Variants in ADGRL3 observed in about 807,000 individuals in gnomAD.
ADGRL3 encodes the protein calcium-independent alpha-latrotoxin receptor 3.
Under a neutral mutation model 153.5 loss-of-function variants are expected in ADGRL3, and 62 were observed. That is an observed-to-expected ratio of 0.40 (90% CI 0.33 to 0.50). The LOEUF is 0.50. Ranked by LOEUF, ADGRL3 falls within the 20% of genes least tolerant of loss-of-function variation. ADGRL3 has a pLI of 0.47. For synonymous variants in ADGRL3, 710 were observed against 672.5 expected (o/e 1.06, Z -0.86); for missense variants, 1,641 against 1,859.4 (o/e 0.88, Z 2.16).
chr4:61,893,060 T>G, intron 10 of ADGRL3, 102 bp downstream of exon 10: 1 of 541,414 alleles, frequency 1.8e-6, no homozygotes, highest in Non-Finnish European at 2.9e-6. Context: ...CCTCCCTCCC[T>G]TCCTCCCTCC....
At chr4:61,746,120 A>G (rs2096657139) in intron 8 of ADGRL3, among the ~76,000 whole-genome samples, 1 of 152,200 alleles carries the variant, frequency 6.6e-6, no homozygotes, top group South Asian at 2.1e-4. Flanking sequence ...AGGCCATTAA[A>G]TAATAGTAAA....
chr4:61,231,682 C>A (rs558811699), intron 1 of ADGRL3, among the ~76,000 whole-genome samples: 4 of 151,966 alleles, frequency 2.6e-5, no homozygotes, highest in Non-Finnish European at 4.4e-5. Flanking sequence ...CTTTTTGTAA[C>A]GGTCTATTTA....
intron 5 of ADGRL3, among the ~76,000 whole-genome samples, chr4:61,627,389 G>A (rs1260807133): frequency 6.6e-6 from 1 of 152,098 alleles, no homozygotes; most frequent in Non-Finnish European, 1.5e-5. Context: ...AGAGGTGGGC[G>A]GATCACCTGA....
At chr4:61,406,916 C>G (rs2097007270) in intron 2 of ADGRL3, among the ~76,000 whole-genome samples, 1 of 151,908 alleles carries the variant, frequency 6.6e-6, no homozygotes, top group Non-Finnish European at 1.5e-5. Context: ...ACAAATCATT[C>G]CATGGAACCA....
chr4:61,209,168 C>T (rs565180104), intron 1 of ADGRL3, among the ~76,000 whole-genome samples: 2 of 152,150 alleles, frequency 1.3e-5, no homozygotes, highest in African/African-American at 4.8e-5. Context: ...GAACTTTGGT[C>T]AATTCTGATT....
At chr4:61,422,064 G>A (rs944768965) in intron 2 of ADGRL3, among the ~76,000 whole-genome samples, 2 of 152,022 alleles carry the variant, frequency 1.3e-5, no homozygotes, top group East Asian at 1.9e-4. Flanking sequence ...CTTATATAAA[G>A]GATATACTTA....
chr4:61,607,509 A>C (rs991273290), intron 5 of ADGRL3, among the ~76,000 whole-genome samples: 1 of 152,170 alleles, frequency 6.6e-6, no homozygotes, highest in Non-Finnish European at 1.5e-5. Context: ...CTGAAGCAGA[A>C]GAATCACTTG....
intron 21 of ADGRL3, among the ~76,000 whole-genome samples, chr4:62,027,531 C>G (rs1719434091): frequency 6.6e-6 from 1 of 152,012 alleles, no homozygotes; most frequent in Non-Finnish European, 1.5e-5. Flanking sequence ...TCTAGTCACT[C>G]TCTGCTTCGT....
intron 2 of ADGRL3, among the ~76,000 whole-genome samples, chr4:61,434,031 A>G (rs554647778): frequency 6.6e-6 from 1 of 152,270 alleles, no homozygotes; most frequent in South Asian, 2.1e-4. Flanking sequence ...TCTGCCATCC[A>G]ATTAATCCAA....
At chr4:61,639,966 A>T (rs547918809) in intron 5 of ADGRL3, among the ~76,000 whole-genome samples, 1 of 152,266 alleles carries the variant, frequency 6.6e-6, no homozygotes, top group African/African-American at 2.4e-5. Context: ...TTAAAGGAGC[A>T]CAGAATTGTC....
At chr4:61,295,711 C>A (rs72634746) in intron 1 of ADGRL3, among the ~76,000 whole-genome samples, 2,196 of 151,446 alleles carry the variant, frequency 0.015, 27 homozygotes, top group Middle Eastern at 0.041. Flanking sequence ...TCCCGTCCAG[C>A]ATTTTGGGAG....
intron 2 of ADGRL3, among the ~76,000 whole-genome samples, chr4:61,399,430 A>G (rs1323437975): frequency 6.6e-6 from 1 of 151,716 alleles, no homozygotes; most frequent in South Asian, 2.1e-4. Flanking sequence ...TATATCAGAC[A>G]ATGATATATA....
At chr4:61,410,929 GGTT>G (rs1383755920) in intron 2 of ADGRL3, among the ~76,000 whole-genome samples, 1 of 152,188 alleles carries the variant, frequency 6.6e-6, no homozygotes, top group Non-Finnish European at 1.5e-5. Flanking sequence ...ATCCTATGGA[GGTT>G]GCAGGATGTC....
intron 4 of ADGRL3, among the ~76,000 whole-genome samples, chr4:61,564,650 T>C (rs1257294902): frequency 6.6e-6 from 1 of 152,234 alleles, no homozygotes; most frequent in Non-Finnish European, 1.5e-5. Context: ...ACTTGACTGC[T>C]CTTTGACATA....
At chr4:61,696,257 T>G (rs891681323) in intron 6 of ADGRL3, among the ~76,000 whole-genome samples, 1 of 152,188 alleles carries the variant, frequency 6.6e-6, no homozygotes, top group Non-Finnish European at 1.5e-5. Context: ...AATCTGCATA[T>G]GACTTAAGTT....
At chr4:61,369,412 C>G (rs951473149) in intron 1 of ADGRL3, among the ~76,000 whole-genome samples, 2 of 152,130 alleles carry the variant, frequency 1.3e-5, no homozygotes, top group East Asian at 1.9e-4. Context: ...CCATCAATAC[C>G]TAATTTATTG....
At chr4:61,550,356 T>A (rs1211515537) in intron 4 of ADGRL3, among the ~76,000 whole-genome samples, 1 of 152,044 alleles carries the variant, frequency 6.6e-6, no homozygotes, top group Non-Finnish European at 1.5e-5. Flanking sequence ...TGTTAATAAT[T>A]ACAAAGTTGG....
chr4:61,938,751 G>A (rs2098851482), intron 15 of ADGRL3, among the ~76,000 whole-genome samples: 1 of 147,936 alleles, frequency 6.8e-6, no homozygotes, highest in African/African-American at 2.5e-5. Context: ...CCAGAGCAAC[G>A]TCTCCGCAAT....
intron 5 of ADGRL3, among the ~76,000 whole-genome samples, chr4:61,593,170 T>G (rs1360327950): frequency 6.6e-6 from 1 of 152,162 alleles, no homozygotes; most frequent in Non-Finnish European, 1.5e-5. Context: ...CTTTTTAACA[T>G]TTTGTTGTTT....
Sources: allele counts gnomAD v4.1 joint callset (sites outside exome capture counted in the v4.1 genomes callset), GRCh38; gene constraint gnomAD v4.1.1; transcripts MANE v1.5; gene names NCBI Gene and HGNC (gene_info 2026-07-23, HGNC 2026-07-21).